Variants in TCP10L observed in about 807,000 individuals in gnomAD.
The protein encoded by TCP10L is t-complex 10 like.
A neutral mutation model predicts 19.2 loss-of-function variants in TCP10L; 11 were observed. The observed-to-expected ratio is 0.57, with a 90% CI of 0.36 to 0.95. TCP10L has a LOEUF of 0.95. Ranked by LOEUF, TCP10L falls within the 40% of genes least tolerant of loss-of-function variation. The pLI is 0.01. For synonymous variants in TCP10L, 96 were observed against 97.2 expected (o/e 0.99, Z 0.07); for missense variants, 247 against 263.9 (o/e 0.94, Z 0.44).
rs1601120134 is a variant in TCP10L, at chr21:32,576,256, T to C, written c.*518A>G. 1 of 1,570,984 alleles carries C rather than the reference T, an allele frequency of 6.4e-7. No homozygotes were observed. Among genetic ancestry groups the C allele is most frequent in the Middle Eastern group, 1.9e-4 (1 of 5,304 alleles). ...CATCTGCTCCTGCAGCATGGCGGCCTGGGAAGCCTGCACTGGTGATTTTCT... is the reference window on the plus strand; with the variant it reads ...CATCTGCTCCTGCAGCATGGCGGCCCGGGAAGCCTGCACTGGTGATTTTCT... On this transcript the variant is annotated 3_prime_UTR_variant, in exon 5 of 5. Transcript: ENST00000300258.
Position 32,576,950 on chromosome 21 carries a change from G to T in TCP10L, c.499-27C>A, listed in dbSNP as rs760582988. ...TGAAAACAAATGTGGGAATATTTTT[G>T]CATTAGTAACAATTATATTATTTTT... On this transcript the variant is annotated intron_variant, in intron 4 of 4. Coordinates refer to ENST00000300258, the MANE Select transcript of TCP10L (RefSeq NM_144659.7). 43 of 1,598,170 alleles carry T rather than the reference G, an allele frequency of 2.7e-5. No homozygotes were observed. The South Asian group carries it at 4.7e-4, about 17-fold the overall frequency.
At chr21:32,583,452 A>G (rs1052557879) in intron 2 of TCP10L, among the ~76,000 whole-genome samples, 45 of 150,782 alleles carry the variant, frequency 3.0e-4, no homozygotes, top group Non-Finnish European at 8.9e-5. Flanking sequence ...AGCCGGGCGT[A>G]GTGGCGGGCG....
chr21:32,582,534 A>G lies in TCP10L; in HGVS notation c.145-119T>C. 4.8e-6 allele frequency: 4 copies of G among 840,548 alleles called. No homozygotes were observed. The South Asian group carries it at 7.3e-5, about 15-fold the overall frequency. 52.1% of individuals were successfully genotyped at this position (840,548 alleles called of 1,614,324 possible). A position where few individuals can be genotyped will look rare whatever the true frequency, so the allele number is the denominator to read the frequency against. ...CAACACTATTTCTGGAATAAAAGAC[A>G]CCCGATGAGATAAACAGGACTACCA... On this transcript the variant is annotated intron_variant, in intron 2 of 4. Transcript: ENST00000300258. This position sits in a 1 kb window ranked among gnomAD's most constrained non-coding sequence, Gnocchi z 4.2.
chr21:32,584,544 A>C (rs1177002661), intron 1 of TCP10L, among the ~76,000 whole-genome samples: 1 of 152,168 alleles, frequency 6.6e-6, no homozygotes, highest in Non-Finnish European at 1.5e-5. Flanking sequence ...AATGCTTTAG[A>C]TCCTAGAAGA....
In TCP10L at chr21:32,584,286, C is replaced by G; in HGVS notation, c.19G>C (p.Glu7Gln). 1 of 1,613,742 alleles carries G rather than the reference C, an allele frequency of 6.2e-7. No homozygotes were observed. Among genetic ancestry groups the G allele is most frequent in the Non-Finnish European group, 8.5e-7 (1 of 1,179,816 alleles). ...GTGCCCTCTTTGGGGTCCCTGGCCTCGAGTTGACCTGCCAGCATCCTGGTT... is the reference window on the plus strand; with the variant it reads ...GTGCCCTCTTTGGGGTCCCTGGCCTGGAGTTGACCTGCCAGCATCCTGGTT... MLAGQL[E>Q]ARDPKEGTHP... The change falls in exon 2 of 5, where the codon GAG becomes CAG. Residue 7 changes from glutamate to glutamine, a missense_variant. By Grantham distance (29) the Glu-to-Gln change is conservative. Coordinates refer to ENST00000300258, the MANE Select transcript of TCP10L (RefSeq NM_144659.7).
rs1013633868 is a variant in TCP10L at position 32,573,836 on chromosome 21, A to G, written c.*2938T>C. 6.6e-6 allele frequency among the ~76,000 whole-genome samples: 1 copy of G among 152,172 alleles called. No individual in the cohort carries two copies. The highest frequency in any genetic ancestry group is 2.4e-5 in the African/African-American group (1 of 41,454). Reference sequence around the variant, plus strand: ...ATTCAACACCTGATACAAATAACACACAGAGACATACAAATAACATACAAA... The same window carrying G: ...ATTCAACACCTGATACAAATAACACGCAGAGACATACAAATAACATACAAA... On this transcript the variant is annotated 3_prime_UTR_variant, in exon 5 of 5. Coordinates refer to ENST00000300258, the MANE Select transcript of TCP10L (RefSeq NM_144659.7).
intron 3 of TCP10L, among the ~76,000 whole-genome samples, chr21:32,581,678 C>T (rs1011813560): frequency 3.3e-5 from 5 of 152,138 alleles, no homozygotes; most frequent in Admixed American, 1.3e-4. Flanking sequence ...GAACTTTTCC[C>T]GTTTCAACAG....
chr21:32,576,485 G>T lies in TCP10L; in HGVS notation c.*289C>A. ...AGCCCGACACTCCATACTACAAGGT[G>T]GGTTAATTTTTTTAAAGACTCTGCA... On this transcript the variant is annotated 3_prime_UTR_variant, in exon 5 of 5. Coordinates refer to ENST00000300258, the MANE Select transcript of TCP10L (RefSeq NM_144659.7). 1.6e-6 allele frequency: 1 copy of T among 619,090 alleles called. No homozygotes were observed. The highest frequency in any genetic ancestry group is 2.7e-6 in the Non-Finnish European group (1 of 366,680). The allele number at this position is 619,090 out of a possible 1,614,324, so 38.3% of individuals were successfully genotyped here. A position where few individuals can be genotyped will look rare whatever the true frequency, so the allele number is the denominator to read the frequency against.
At chr21:32,580,533 G>T (rs2038482748) in intron 3 of TCP10L, among the ~76,000 whole-genome samples, 1 of 149,050 alleles carries the variant, frequency 6.7e-6, no homozygotes, top group African/African-American at 2.5e-5. Context: ...TCACTGTGCT[G>T]TATCGGAAAT....
rs1360525887 is a variant in TCP10L, at chr21:32,578,043, A to T, written c.498+651T>A. ...CTGTTTGTGGTTTAAGAACGCCTTT[A>T]AGCGGTTTTCCACCCTGGGTGGGCC... On this transcript the variant is annotated intron_variant, in intron 4 of 4. Transcript: ENST00000300258. This position sits in a 1 kb window ranked among gnomAD's most constrained non-coding sequence, Gnocchi z 4.2. Among the ~76,000 whole-genome samples the T allele has an allele frequency of 1.3e-5, 2 of 152,236 alleles. No homozygotes were observed. The highest frequency in any genetic ancestry group is 2.9e-5 in the Non-Finnish European group (2 of 68,038).
At chr21:32,583,024 CTTTTTTTTTTTTTTT>C (rs59972145) in intron 2 of TCP10L, among the ~76,000 whole-genome samples, 34 of 94,802 alleles carry the variant, frequency 3.6e-4, no homozygotes, top group East Asian at 8.8e-4. Context: ...CATTCTTTTC[CTTTTTTTTTTTTTTT>C]TTTTTTTTTT....
rs996827369 is a variant in TCP10L at position 32,578,057 on chromosome 21, C to G, written c.498+637G>C. Reference sequence around the variant, plus strand: ...AGAACGCCTTTAAGCGGTTTTCCACCCTGGGTGGGCCAGGTGTTCCTTGCC... The same window carrying G: ...AGAACGCCTTTAAGCGGTTTTCCACGCTGGGTGGGCCAGGTGTTCCTTGCC... On this transcript the variant is annotated intron_variant, in intron 4 of 4. Coordinates refer to ENST00000300258, the MANE Select transcript of TCP10L (RefSeq NM_144659.7). The surrounding 1 kb of genome is among the most constrained non-coding windows in gnomAD (Gnocchi z 4.2). Among the ~76,000 whole-genome samples the G allele has an allele frequency of 6.6e-6, 1 of 152,208 alleles. No individual in the cohort carries two copies. Among genetic ancestry groups the G allele is most frequent in the Admixed American group, 6.5e-5 (1 of 15,278 alleles).
At chr21:32,581,543 C>A (rs1048082817) in intron 3 of TCP10L, among the ~76,000 whole-genome samples, 2 of 152,192 alleles carry the variant, frequency 1.3e-5, no homozygotes, top group Non-Finnish European at 2.9e-5. Context: ...CATTCACCCC[C>A]AGACACTGCC....
Position 32,585,037 on chromosome 21 carries a change from C to T in TCP10L, c.-2+384G>A, listed in dbSNP as rs571076967. Among the ~76,000 whole-genome samples, 86 of 152,342 alleles carry T rather than the reference C, an allele frequency of 5.6e-4. 1 individual carries two copies. The highest frequency in any genetic ancestry group is 1.9e-3 in the African/African-American group (79 of 41,588). ...CTCTGAAAGCTGCCTCCACCCCTGC[C>T]TTGCCCTGTCCGTTTTAGGAAGCCA... On this transcript the variant is annotated intron_variant, in intron 1 of 4. Coordinates refer to ENST00000300258, the MANE Select transcript of TCP10L (RefSeq NM_144659.7).
At chr21:32,584,880 T>C (rs1219355713) in intron 1 of TCP10L, among the ~76,000 whole-genome samples, 3 of 152,134 alleles carry the variant, frequency 2.0e-5, no homozygotes, top group Admixed American at 1.3e-4. Context: ...TGTGAATTCA[T>C]GGTGAAGATG....
At position 32,576,864 on chromosome 21, in the gene TCP10L, T is replaced by C. The variant is rs778539231; in HGVS notation, c.558A>G (p.Arg186=). The C allele has an allele frequency of 1.7e-5, 28 of 1,614,108 alleles. No homozygotes were observed. The South Asian group carries it at 3.1e-4, about 18-fold the overall frequency. Residue 186 remains arginine, a synonymous_variant, in exon 5 of 5, where the codon AGA becomes AGG. Coordinates refer to ENST00000300258, the MANE Select transcript of TCP10L (RefSeq NM_144659.7). ...SSWKTPPQEN[R]DKNLSRRRQD... ...GACGTCTCCTGGAAAGATTTTTATC[T>C]CTATTTTCCTGTGGTGGTGTTTTCC...
At position 32,576,099 on chromosome 21, in the gene TCP10L, G is replaced by C; in HGVS notation, c.*675C>G. On this transcript the variant is annotated 3_prime_UTR_variant, in exon 5 of 5. Transcript: ENST00000300258. ...ACAAAAAGTGGCCACAAATTAGGCA[G>C]CTCCAGGAAGGACATGTCCTTGCCA... The C allele has an allele frequency of 1.6e-6, 1 of 617,656 alleles. No individual in the cohort carries two copies. The highest frequency in any genetic ancestry group is 3.1e-5 in the East Asian group (1 of 31,910). 38.3% of individuals were successfully genotyped at this position (617,656 alleles called of 1,614,324 possible).
In TCP10L at chr21:32,578,390, G is replaced by C. The variant is rs992319975; in HGVS notation, c.498+304C>G. Among the ~76,000 whole-genome samples the C allele has an allele frequency of 6.6e-6, 1 of 152,224 alleles. No homozygotes were observed. Among genetic ancestry groups the C allele is most frequent in the Non-Finnish European group, 1.5e-5 (1 of 68,046 alleles). On this transcript the variant is annotated intron_variant, in intron 4 of 4. Coordinates refer to ENST00000300258, the MANE Select transcript of TCP10L (RefSeq NM_144659.7). This position sits in a 1 kb window ranked among gnomAD's most constrained non-coding sequence, Gnocchi z 4.2. ...AGACAGTGCCACACACATCACCTCC[G>C]CAGCCTGCACCCACGGAAACAAAGC... is the stretch of plus-strand genomic sequence containing the variant.
At chr21:32,580,881 G>A (rs1435869139) in intron 3 of TCP10L, among the ~76,000 whole-genome samples, 1 of 152,168 alleles carries the variant, frequency 6.6e-6, no homozygotes, top group East Asian at 1.9e-4. Flanking sequence ...TGAGAATGCT[G>A]GTTCTTCGTT....
Sources: gnomAD v4.1 joint callset for allele counts (sites outside exome capture counted in the v4.1 genomes callset) on GRCh38, gnomAD v4.1.1 for gene constraint, Gnocchi (gnomAD v3.1) non-coding constraint, MANE v1.5 for transcripts, NCBI Gene and HGNC (gene_info 2026-07-23, HGNC 2026-07-21) for gene names.